Variants in HDAC1 observed in about 807,000 individuals in gnomAD.
HDAC1 encodes histone deacetylase 1, also known as protein deacetylase HDAC1.
A neutral mutation model predicts 65.5 loss-of-function variants in HDAC1; 18 were observed. The ratio of observed to expected loss-of-function variants is 0.27; its 90% CI spans 0.19 to 0.41. The LOEUF (loss-of-function observed/expected upper bound fraction) is 0.41. Ranked by LOEUF, HDAC1 falls within the 10% of genes least tolerant of loss-of-function variation. The pLI is 1.00. For synonymous variants in HDAC1, 211 were observed against 227.9 expected, an observed-to-expected ratio of 0.93 and a Z score of 0.67; for missense variants, 373 against 625.2, an observed-to-expected ratio of 0.60 and a Z score of 4.30.
At position 32,328,963 on chromosome 1, in the gene HDAC1, C is replaced by T. The variant is rs114035990; in HGVS notation, c.637-105C>T. The T allele has an allele frequency of 5.5e-3, 4,251 of 776,856 alleles. 13 individuals are homozygous for T. Among genetic ancestry groups the T allele is most frequent in the Non-Finnish European group, 8.3e-3 (3,540 of 427,852 alleles). 48.1% of individuals were successfully genotyped at this position (776,856 alleles called of 1,614,324 possible). A position where few individuals can be genotyped will look rare whatever the true frequency, so the allele number is the denominator to read the frequency against. On this transcript the variant is annotated intron_variant, in intron 6 of 13. Transcript: ENST00000373548. ...TTCTGTCCTGGCCCACATCATGGGC[C>T]TAGCTTGTCTCTCTTGAACCTCTTC... is the stretch of plus-strand genomic sequence containing the variant.
intron 2 of HDAC1, among the ~76,000 whole-genome samples, chr1:32,314,435 C>T (rs550097355): frequency 1.3e-4 from 20 of 152,220 alleles, no homozygotes; most frequent in African/African-American, 4.3e-4. Flanking sequence ...TCAAGTGATC[C>T]ACCTGCCTCA....
rs1287171085 is a variant in HDAC1, at chr1:32,307,905, A to G, written c.162+5172A>G. Among the ~76,000 whole-genome samples the G allele has an allele frequency of 2.6e-5, 4 of 152,298 alleles. No individual in the cohort carries two copies. The East Asian group carries it at 7.7e-4, about 29-fold the overall frequency. On this transcript the variant is annotated intron_variant, in intron 2 of 13. Transcript: ENST00000373548. The stretch of plus-strand genomic sequence containing the variant: ...CACGGACACTGTTGAAAAGCTCTAT[A>G]CCTCTCTAGATCTTAAGGAAGAGTT...
Position 32,330,604 on chromosome 1 carries a change from C to T in HDAC1, c.756C>T (p.Phe252=), listed in dbSNP as rs1343144178. 1 of 1,613,458 alleles carries T rather than the reference C, an allele frequency of 6.2e-7. No homozygotes were observed. ...TCATGTCCAAAGTAATGGAGATGTT[C>T]CAGCCTAGTGCGGTGGTCTTACAGT... ...KPVMSKVMEM[F]QPSAVVLQCG... The change falls in exon 8 of 14, where the codon TTC becomes TTT. Residue 252 remains phenylalanine, a synonymous_variant. Transcript: ENST00000373548. This position sits in a 1 kb window ranked among gnomAD's most constrained non-coding sequence, Gnocchi z 4.2.
rs1364406163 is a variant in HDAC1 at position 32,304,755 on chromosome 1, G to A, written c.162+2022G>A. 1.3e-5 allele frequency among the ~76,000 whole-genome samples: 2 copies of A among 152,020 alleles called. 1 individual carries two copies. Among genetic ancestry groups the A allele is most frequent in the Non-Finnish European group, 2.9e-5 (2 of 68,016 alleles). The stretch of plus-strand genomic sequence containing the variant: ...TGGCTAATTTTTTGGTAGAAATGGG[G>A]TTTCACCATTTTGCCCAGGCTGGTC... On this transcript the variant is annotated intron_variant, in intron 2 of 13. Transcript: ENST00000373548.
intron 3 of HDAC1, 56 bp downstream of exon 3, chr1:32,316,838 A>G: frequency 1.9e-6 from 2 of 1,073,544 alleles, no homozygotes; most frequent in Non-Finnish European, 2.9e-6. Context: ...CTCCCTTTCC[A>G]CTGTAGAGGC....
chr1:32,308,895 C>G (rs2148061215), intron 2 of HDAC1, among the ~76,000 whole-genome samples: 1 of 152,278 alleles, frequency 6.6e-6, no homozygotes, highest in African/African-American at 2.4e-5. Flanking sequence ...TCACTGCAGC[C>G]TCACCCTCCT....
intron 3 of HDAC1, among the ~76,000 whole-genome samples, chr1:32,321,651 C>G (rs1190100833): frequency 1.3e-5 from 2 of 152,182 alleles, no homozygotes; most frequent in Non-Finnish European, 2.9e-5. Context: ...CTTTCCATCT[C>G]TAATCACATA....
At chr1:32,306,307 C>T (rs769165631) in intron 2 of HDAC1, among the ~76,000 whole-genome samples, 20 of 151,566 alleles carry the variant, frequency 1.3e-4, no homozygotes, top group Non-Finnish European at 2.1e-4. Flanking sequence ...TACAGGCATG[C>T]GCCACCACGG....
intron 1 of HDAC1, among the ~76,000 whole-genome samples, chr1:32,295,765 ATTTG>A (rs373092779): frequency 0.017 from 2,542 of 151,836 alleles, 70 homozygotes; most frequent in African/African-American, 0.057. Flanking sequence ...TAGTTATTTT[ATTTG>A]TTTGTTTGTT....
intron 1 of HDAC1, among the ~76,000 whole-genome samples, chr1:32,301,060 A>AGT (rs760352815): frequency 7.9e-5 from 12 of 151,922 alleles, no homozygotes; most frequent in East Asian, 3.9e-4. Context: ...AGAGAGAGTG[A>AGT]GTGTGTGTGT....
chr1:32,324,345 A>T, intron 3 of HDAC1, 134 bp from the exon 4 acceptor site: 1 of 673,596 alleles, frequency 1.5e-6, no homozygotes, highest in Non-Finnish European at 2.7e-6. Flanking sequence ...TGATGCAGTC[A>T]TACAGCCAGG....
chr1:32,324,534 G>T lies in HDAC1; in HGVS notation c.336G>T (p.Leu112Phe). The T allele has an allele frequency of 1.2e-6, 2 of 1,611,432 alleles. No homozygotes were observed. The highest frequency in any genetic ancestry group is 1.7e-6 in the Non-Finnish European group (2 of 1,177,474). The change falls in exon 4 of 14, where the codon TTG becomes TTT. Residue 112 changes from leucine (L) to phenylalanine (F), a missense_variant. Leu to Phe is a conservative substitution (Grantham distance 22). Transcript: ENST00000373548. ...ATGGCCTGTTTGAGTTCTGTCAGTT[G>T]TCTACTGGTGGTTCTGTGGGTAAGG... ...VFDGLFEFCQ[L>F]STGGSVASAV...
At chr1:32,317,517 A>G (rs1641080494) in intron 3 of HDAC1, among the ~76,000 whole-genome samples, 1 of 152,232 alleles carries the variant, frequency 6.6e-6, no homozygotes, top group Non-Finnish European at 1.5e-5. Flanking sequence ...GACAGCTTAT[A>G]TGGAAGTGTC....
intron 2 of HDAC1, among the ~76,000 whole-genome samples, chr1:32,308,479 A>G (rs1032193762): frequency 6.6e-5 from 10 of 152,188 alleles, no homozygotes; most frequent in Non-Finnish European, 1.2e-4. Flanking sequence ...AGTGAGATTT[A>G]ATTTGTGTAT....
intron 3 of HDAC1, among the ~76,000 whole-genome samples, chr1:32,318,439 T>C (rs2148066037): frequency 6.6e-6 from 1 of 152,044 alleles, no homozygotes; most frequent in East Asian, 1.9e-4. Context: ...GGTGCACACC[T>C]GTGGTCCCAG....
rs934279691 is a variant in HDAC1, at chr1:32,314,608, C to T, written c.163-2057C>T. On this transcript the variant is annotated intron_variant, in intron 2 of 13. Coordinates refer to ENST00000373548, the MANE Select transcript of HDAC1 (RefSeq NM_004964.3). Reference sequence around the variant, plus strand: ...TTGGGAGGCCGAGGCGGGTGGATCACGAGGTCAGGAGATCGAGACCATCCT... The same window carrying T: ...TTGGGAGGCCGAGGCGGGTGGATCATGAGGTCAGGAGATCGAGACCATCCT... 3.3e-5 allele frequency among the ~76,000 whole-genome samples: 5 copies of T among 151,974 alleles called. No individual in the cohort carries two copies. In the East Asian group the frequency reaches 7.8e-4, roughly 24 times the overall value.
chr1:32,316,296 T>TAAAAAAAAAAAAAAAAAAAA (rs1641063506), intron 2 of HDAC1, among the ~76,000 whole-genome samples: 1 of 146,750 alleles, frequency 6.8e-6, no homozygotes, highest in African/African-American at 2.7e-5. Flanking sequence ...AAAAAAAAAG[T>TAAAAAAAAAAAAAAAAAAAA]AATAATTTTG....
At chr1:32,309,975 G>A (rs568607372) in intron 2 of HDAC1, among the ~76,000 whole-genome samples, 6 of 152,264 alleles carry the variant, frequency 3.9e-5, no homozygotes, top group African/African-American at 1.2e-4. Context: ...AAGCAAAATG[G>A]TGCTTGGCAG....
At chr1:32,298,944 G>GCCTGAGATCGCACCA (rs1553156465) in intron 1 of HDAC1, among the ~76,000 whole-genome samples, 1 of 152,134 alleles carries the variant, frequency 6.6e-6, no homozygotes, top group Admixed American at 6.5e-5. Flanking sequence ...GTTGCAGTGA[G>GCCTGAGATCGCACCA]CCTGAGATCG....
Sources: allele counts gnomAD v4.1 joint callset (sites outside exome capture counted in the v4.1 genomes callset), GRCh38; gene constraint gnomAD v4.1.1; non-coding constraint Gnocchi (gnomAD v3.1); transcripts MANE v1.5; gene names NCBI Gene and HGNC (gene_info 2026-07-23, HGNC 2026-07-21).